Variants in FBXO42 observed in about 807,000 individuals in gnomAD.
FBXO42 encodes the protein F-box protein 42, also known as F-box only protein 42.
FBXO42 carries 12 observed loss-of-function variants against 71.7 expected under a neutral mutation model. The observed-to-expected ratio is 0.17, with a 90% CI of 0.11 to 0.27. The LOEUF is 0.27. FBXO42 is among the 10% of genes least tolerant of loss of function. FBXO42 has a pLI of 1.00. For synonymous variants in FBXO42, 325 were observed against 327.5 expected, an observed-to-expected ratio of 0.99 and a Z score of 0.08; for missense variants, 707 against 911.9, an observed-to-expected ratio of 0.78 and a Z score of 2.89.
intron 4 of FBXO42, among the ~76,000 whole-genome samples, chr1:16,261,287 A>G (rs1447770929): frequency 6.6e-6 from 1 of 152,198 alleles, no homozygotes; most frequent in Non-Finnish European, 1.5e-5. Context: ...GAACTCTCCA[A>G]GGAAAGGTAA....
At chr1:16,338,472 C>A (rs1379422003) in intron 1 of FBXO42, among the ~76,000 whole-genome samples, 1 of 151,966 alleles carries the variant, frequency 6.6e-6, no homozygotes, top group Non-Finnish European at 1.5e-5. Context: ...TATTGTTATC[C>A]CCCTGCTTTG....
At chr1:16,346,610 C>T (rs1005597609) in intron 1 of FBXO42, among the ~76,000 whole-genome samples, 5 of 150,940 alleles carry the variant, frequency 3.3e-5, no homozygotes, top group African/African-American at 1.2e-4. Flanking sequence ...ATGGTGTGAA[C>T]CCGGGAAGCA....
intron 4 of FBXO42, among the ~76,000 whole-genome samples, chr1:16,280,744 A>G (rs1337686197): frequency 6.6e-6 from 1 of 152,128 alleles, no homozygotes; most frequent in Non-Finnish European, 1.5e-5. Flanking sequence ...ACTGCACTCC[A>G]GCTTGGGAGA....
At chr1:16,346,177 G>T (rs1464736620) in intron 1 of FBXO42, among the ~76,000 whole-genome samples, 1 of 152,094 alleles carries the variant, frequency 6.6e-6, no homozygotes, top group Non-Finnish European at 1.5e-5. Context: ...TCTTTACGAA[G>T]AAATTTATAA....
intron 1 of FBXO42, among the ~76,000 whole-genome samples, chr1:16,350,578 A>C (rs989139253): frequency 7.8e-5 from 7 of 89,746 alleles, no homozygotes; most frequent in African/African-American, 2.3e-4. Flanking sequence ...AATTACAAAA[A>C]AAAAAAAAAA....
intron 2 of FBXO42, among the ~76,000 whole-genome samples, chr1:16,310,312 G>A (rs2082300391): frequency 6.6e-6 from 1 of 151,750 alleles, no homozygotes; most frequent in African/African-American, 2.4e-5. Context: ...AATGAGCTGA[G>A]ACTGCGCCAC....
intron 1 of FBXO42, among the ~76,000 whole-genome samples, chr1:16,347,012 T>TGA (rs2082659395): frequency 6.6e-6 from 1 of 151,788 alleles, no homozygotes; most frequent in Non-Finnish European, 1.5e-5. Flanking sequence ...CCCACAGTGC[T>TGA]GGGATTATAG....
At chr1:16,283,495 T>TTTTTTTTTTTTG (rs1553151400) in intron 4 of FBXO42, among the ~76,000 whole-genome samples, 24,942 of 65,956 alleles carry the variant, frequency 0.38, 4,260 homozygotes, top group East Asian at 0.6. Flanking sequence ...CTGTGGCAAG[T>TTTTTTTTTTTTG]TTTTTTTTTT....
chr1:16,273,580 TA>T lies in FBXO42; in HGVS notation c.503-16822del, dbSNP rs60180021. ...AGTATCCATCAACAGGAGAACAACT[TA>T]AAAAAAAAAAAAATGAGGGCCGGGC... On this transcript the variant is annotated intron_variant, in intron 4 of 9. Transcript: ENST00000375592. 5.6e-3 allele frequency among the ~76,000 whole-genome samples: 777 copies of T among 139,706 alleles called. 1 individual carries two copies. The highest frequency in any genetic ancestry group is 0.013 in the African/African-American group (485 of 38,760). 91.7% of individuals were successfully genotyped at this position (139,706 alleles called of 152,430 possible).
chr1:16,314,774 C>A (rs2100575815), intron 2 of FBXO42, among the ~76,000 whole-genome samples: 1 of 152,024 alleles, frequency 6.6e-6, no homozygotes, highest in South Asian at 2.1e-4. Flanking sequence ...GTCCCAGCTA[C>A]TCTGGAGGCT....
chr1:16,306,016 A>C, intron 2 of FBXO42, 97 bp from the exon 3 acceptor site: 1 of 926,574 alleles, frequency 1.1e-6, no homozygotes, highest in East Asian at 2.4e-5. Context: ...ATTTTTATAC[A>C]AGTTTCTTTT....
At chr1:16,273,518 T>C (rs1020149165) in intron 4 of FBXO42, among the ~76,000 whole-genome samples, 3 of 151,358 alleles carry the variant, frequency 2.0e-5, no homozygotes, top group African/African-American at 7.3e-5. Context: ...GTACAAACAA[T>C]GTTGATGGCA....
intron 3 of FBXO42, among the ~76,000 whole-genome samples, chr1:16,300,067 G>A (rs1244852867): frequency 6.6e-6 from 1 of 152,188 alleles, no homozygotes; most frequent in African/African-American, 2.4e-5. Context: ...AAGTTCAAAT[G>A]AACCTTTTAG....
At chr1:16,324,273 C>T (rs916798658) in intron 1 of FBXO42, among the ~76,000 whole-genome samples, 1 of 151,928 alleles carries the variant, frequency 6.6e-6, no homozygotes, top group Non-Finnish European at 1.5e-5. Context: ...ATATTAAAAA[C>T]ACAAAAAGAA....
intron 1 of FBXO42, among the ~76,000 whole-genome samples, chr1:16,331,975 T>G (rs1328884663): frequency 6.6e-6 from 1 of 151,544 alleles, no homozygotes; most frequent in Non-Finnish European, 1.5e-5. Flanking sequence ...CTTGAACCTG[T>G]GAGGTGAAGG....
chr1:16,308,808 A>G (rs2082282574), intron 2 of FBXO42, among the ~76,000 whole-genome samples: 1 of 138,840 alleles, frequency 7.2e-6, no homozygotes, highest in African/African-American at 2.8e-5. Context: ...GCGTGGTGCA[A>G]TGTCAGCTGA....
At chr1:16,314,882 T>C (rs2082347909) in intron 2 of FBXO42, among the ~76,000 whole-genome samples, 1 of 147,330 alleles carries the variant, frequency 6.8e-6, no homozygotes, top group Admixed American at 6.9e-5. Flanking sequence ...AGACTCCGTC[T>C]GAAAAAAAAA....
At chr1:16,344,852 A>G (rs1156959849) in intron 1 of FBXO42, among the ~76,000 whole-genome samples, 1 of 151,996 alleles carries the variant, frequency 6.6e-6, no homozygotes, top group East Asian at 1.9e-4. Context: ...TTATCCCAAC[A>G]CTTTGGGAGG....
chr1:16,349,789 G>A (rs1053976110), intron 1 of FBXO42, among the ~76,000 whole-genome samples: 1 of 152,228 alleles, frequency 6.6e-6, no homozygotes, highest in South Asian at 2.1e-4. Flanking sequence ...CTGAACCGGA[G>A]AGGTGGAGGT....
Sources: allele counts gnomAD v4.1 joint callset (sites outside exome capture counted in the v4.1 genomes callset), GRCh38; gene constraint gnomAD v4.1.1; transcripts MANE v1.5; gene names NCBI Gene and HGNC (gene_info 2026-07-23, HGNC 2026-07-21).